The following TSHR variants were observed in gnomAD, a reference collection of about 807,000 sequenced individuals.
The protein encoded by TSHR is thyroid stimulating hormone receptor, also known as thyrotropin receptor.
TSHR carries 51 observed loss-of-function variants against 64.1 expected under a neutral mutation model. That is an observed-to-expected ratio of 0.80 (90% CI 0.64 to 1.01). The LOEUF is 1.01. TSHR is among the 50% of genes least tolerant of loss of function. TSHR has a pLI of 0.00. For missense variants in TSHR, 877 were observed against 942.8 expected (o/e 0.93, Z 0.91); for synonymous variants, 361 against 361.9 (o/e 1.00, Z 0.03).
intron 4 of TSHR, among the ~76,000 whole-genome samples, chr14:81,089,985 A>G (rs1176338716): frequency 6.6e-6 from 1 of 152,134 alleles, no homozygotes; most frequent in African/African-American, 2.4e-5. Flanking sequence ...TTTCTACCAG[A>G]AGACCTTCTC....
intron 2 of TSHR, among the ~76,000 whole-genome samples, chr14:81,063,458 C>T (rs1435860487): frequency 6.6e-6 from 1 of 152,152 alleles, no homozygotes; most frequent in African/African-American, 2.4e-5. Flanking sequence ...TCAAAACCAG[C>T]ATATCCAAAA....
intron 2 of TSHR, among the ~76,000 whole-genome samples, chr14:81,067,483 T>TTATATA (rs71103896): frequency 0.12 from 16,672 of 134,576 alleles, 1,200 homozygotes; most frequent in East Asian, 0.23. Flanking sequence ...GTTTATAGTT[T>TTATATA]TATATATATA....
intron 6 of TSHR, chr14:81,095,464 T>G (rs1285800299): frequency 6.6e-6 from 1 of 152,214 alleles, no homozygotes; most frequent in Non-Finnish European, 1.5e-5. Context: ...TCCCAGCTAC[T>G]CAGGAGGCTG....
intron 3 of TSHR, among the ~76,000 whole-genome samples, chr14:81,071,571 C>A (rs768103337): frequency 3.3e-5 from 5 of 152,028 alleles, no homozygotes; most frequent in Non-Finnish European, 4.4e-5. Flanking sequence ...CTCAGCCAGC[C>A]TGGACAACAT....
At chr14:80,956,433 A>T (rs1886691896) in intron 1 of TSHR, among the ~76,000 whole-genome samples, 1 of 152,178 alleles carries the variant, frequency 6.6e-6, no homozygotes, top group South Asian at 2.1e-4. Context: ...CTGCTTTGTG[A>T]TAGAGGTATA....
At chr14:80,971,956 T>G (rs1453281766) in intron 1 of TSHR, among the ~76,000 whole-genome samples, 1 of 152,196 alleles carries the variant, frequency 6.6e-6, no homozygotes, top group Non-Finnish European at 1.5e-5. Context: ...TCCTGAGACA[T>G]TAAAGTTTTA....
At chr14:81,087,932 G>A in intron 3 of TSHR, 22 bp from the exon 4 acceptor site, 1 of 1,543,170 alleles carries the variant, frequency 6.5e-7, no homozygotes, top group Non-Finnish European at 9.0e-7. Flanking sequence ...TATAGTGACT[G>A]TGTTCCTTGT....
intron 1 of TSHR, among the ~76,000 whole-genome samples, chr14:81,007,491 A>G (rs1365840727): frequency 6.6e-6 from 1 of 152,146 alleles, no homozygotes; most frequent in Non-Finnish European, 1.5e-5. Flanking sequence ...GACTGGGGTT[A>G]TGAGTTTTAG....
chr14:80,993,968 T>G (rs573974158), intron 1 of TSHR: 2 of 152,204 alleles, frequency 1.3e-5, no homozygotes, highest in Admixed American at 1.3e-4. Context: ...ACACTGAGTA[T>G]GCTGCCTCTT....
rs529727955 is a variant in TSHR at position 81,108,272 on chromosome 14, C to G, written c.615-103C>G. On this transcript the variant is annotated intron_variant, in intron 7 of 9. Coordinates refer to ENST00000298171, the MANE Select transcript of TSHR (RefSeq NM_000369.5). ...TATCTTCTAAATTCTTGAAATCAGTCAATACTATGGTCACATTTTATTCTG... is the reference window on the plus strand; with the variant it reads ...TATCTTCTAAATTCTTGAAATCAGTGAATACTATGGTCACATTTTATTCTG... 15 of 984,604 alleles carry G rather than the reference C, an allele frequency of 1.5e-5. No homozygotes were observed. The Admixed American group carries it at 2.4e-4, about 16-fold the overall frequency. The allele number at this position is 984,604 out of a possible 1,614,324, so 61.0% of individuals were successfully genotyped here.
chr14:81,134,948 C>A (rs913817035), intron 8 of TSHR, among the ~76,000 whole-genome samples: 3 of 152,108 alleles, frequency 2.0e-5, no homozygotes, highest in Non-Finnish European at 4.4e-5. Context: ...GTCTGAGAAG[C>A]TTCCAGAAGT....
At chr14:81,044,590 G>A (rs564741282) in intron 1 of TSHR, among the ~76,000 whole-genome samples, 16 of 151,302 alleles carry the variant, frequency 1.1e-4, no homozygotes, top group South Asian at 4.2e-4. Context: ...CCTGGGAGGC[G>A]GAGGTTGCAG....
At chr14:81,138,101 C>T (rs1891525680) in intron 8 of TSHR, among the ~76,000 whole-genome samples, 1 of 152,166 alleles carries the variant, frequency 6.6e-6, no homozygotes, top group Non-Finnish European at 1.5e-5. Context: ...CTCTCACTAA[C>T]CGCAAAGGTG....
At chr14:81,092,722 T>C (rs1888851540) in intron 6 of TSHR, 114 bp downstream of exon 6, 4 of 949,142 alleles carry the variant, frequency 4.2e-6, no homozygotes, top group South Asian at 2.7e-5. Context: ...CTCTATAGAG[T>C]ACAAAGTGTT....
chr14:80,961,193 A>T (rs1887006450), intron 1 of TSHR, among the ~76,000 whole-genome samples: 1 of 152,208 alleles, frequency 6.6e-6, no homozygotes, highest in South Asian at 2.1e-4. Flanking sequence ...CATTCTGCAA[A>T]TCTTTACTAA....
At position 81,062,219 on chromosome 14, in the gene TSHR, T is replaced by G; in HGVS notation, c.242T>G (p.Ile81Ser). 4.3e-6 allele frequency: 7 copies of G among 1,609,390 alleles called. No individual in the cohort carries two copies. The highest frequency in any genetic ancestry group is 5.9e-6 in the Non-Finnish European group (7 of 1,177,062). The change falls in exon 2 of 10, where the codon ATC becomes AGC. Residue 81 changes from isoleucine (I) to serine (S), a missense_variant and splice_region_variant. By Grantham distance (142) the Ile-to-Ser change is moderately radical. Coordinates refer to ENST00000298171, the MANE Select transcript of TSHR (RefSeq NM_000369.5). ...TCTAATCTGCCCAATATTTCCAGAA[T>G]GTAAGTTTTTTTAATATAAAGAAAA... Reference protein sequence around the residue: ...AFSNLPNISRIYVSIDVTLQQ... With the variant: ...AFSNLPNISRSYVSIDVTLQQ...
chr14:81,036,057 A>C (rs1179621896), intron 1 of TSHR, among the ~76,000 whole-genome samples: 3 of 152,172 alleles, frequency 2.0e-5, no homozygotes, highest in Non-Finnish European at 2.9e-5. Context: ...AAGAAAAAAG[A>C]ATAAAAAGAA....
chr14:80,964,883 A>G (rs531177521), intron 1 of TSHR, among the ~76,000 whole-genome samples: 1 of 152,358 alleles, frequency 6.6e-6, no homozygotes, highest in African/African-American at 2.4e-5. Context: ...TCATTTCAAC[A>G]GTTACTACTG....
intron 8 of TSHR, among the ~76,000 whole-genome samples, chr14:81,138,014 C>T (rs1372441278): frequency 2.0e-5 from 3 of 152,216 alleles, no homozygotes; most frequent in Non-Finnish European, 4.4e-5. Context: ...TCAAAAAGGA[C>T]GGATGAGGCC....
Sources: allele counts gnomAD v4.1 joint callset (sites outside exome capture counted in the v4.1 genomes callset), GRCh38; gene constraint gnomAD v4.1.1; transcripts MANE v1.5; gene names NCBI Gene and HGNC (gene_info 2026-07-23, HGNC 2026-07-21).